Variants in KCNQ3 observed in about 807,000 individuals in gnomAD.
KCNQ3 encodes potassium voltage-gated channel subfamily Q member 3.
In KCNQ3, 30 loss-of-function variants were observed where a neutral mutation model predicts 92.5. That is an observed-to-expected ratio of 0.32 (90% confidence interval 0.24 to 0.44). The LOEUF is 0.44. Among genes scored for constraint, KCNQ3 ranks in the 20% least tolerant of loss-of-function variants. KCNQ3 has a pLI of 1.00. For missense variants in KCNQ3, 913 were observed against 1,140.3 expected (o/e 0.80, Z 2.87); for synonymous variants, 450 against 468.8 (o/e 0.96, Z 0.52).
chr8:132,404,999 T>C (rs1348607008), intron 1 of KCNQ3, among the ~76,000 whole-genome samples: 1 of 152,204 alleles, frequency 6.6e-6, no homozygotes, highest in Non-Finnish European at 1.5e-5. Flanking sequence ...GGTCTTGCTG[T>C]GTTGAGTACA....
chr8:132,328,074 G>T lies in KCNQ3; in HGVS notation c.387-141893C>A, dbSNP rs1460966723. ...CCTGCTCTCTGCAGTCACACAGGAT[G>T]GCTGGGCTGTGCCATGTTCACCTGA... On this transcript the variant is annotated intron_variant, in intron 1 of 14. Transcript: ENST00000388996. Among the ~76,000 whole-genome samples, 6 of 152,192 alleles carry T rather than the reference G, an allele frequency of 3.9e-5. No homozygotes were observed. In the East Asian group the frequency reaches 1.2e-3, roughly 29 times the overall value.
At chr8:132,204,726 C>T (rs1384032332) in intron 1 of KCNQ3, among the ~76,000 whole-genome samples, 5 of 152,280 alleles carry the variant, frequency 3.3e-5, no homozygotes, top group East Asian at 3.9e-4. Context: ...CACTTGGTCA[C>T]GTTGCCTCAT....
At chr8:132,141,922 T>C (rs1220468047) in intron 9 of KCNQ3, among the ~76,000 whole-genome samples, 1 of 152,232 alleles carries the variant, frequency 6.6e-6, no homozygotes, top group Non-Finnish European at 1.5e-5. Context: ...CCAGTATGAA[T>C]GTGGGCAACA....
At chr8:132,241,970 C>T (rs1370316548) in intron 1 of KCNQ3, among the ~76,000 whole-genome samples, 2 of 152,130 alleles carry the variant, frequency 1.3e-5, no homozygotes, top group South Asian at 2.1e-4. Context: ...AGCATTATAC[C>T]GTCAAGGGCA....
chr8:132,421,624 T>C (rs956860852), intron 1 of KCNQ3, among the ~76,000 whole-genome samples: 1 of 152,138 alleles, frequency 6.6e-6, no homozygotes, highest in Admixed American at 6.5e-5. Context: ...CTTTTTTTTC[T>C]TTTTTAACCT....
intron 1 of KCNQ3, among the ~76,000 whole-genome samples, chr8:132,350,422 A>G (rs1042454917): frequency 6.6e-6 from 1 of 152,126 alleles, no homozygotes; most frequent in Non-Finnish European, 1.5e-5. Context: ...AAGGGTTTAC[A>G]GGTAAGATCC....
intron 1 of KCNQ3, among the ~76,000 whole-genome samples, chr8:132,326,082 T>G (rs531214455): frequency 6.6e-6 from 1 of 152,270 alleles, no homozygotes; most frequent in Non-Finnish European, 1.5e-5. Flanking sequence ...GGATGTGCAT[T>G]ACTTTGAACT....
At chr8:132,466,093 A>C (rs7004219) in intron 1 of KCNQ3, among the ~76,000 whole-genome samples, 380 of 152,300 alleles carry the variant, frequency 2.5e-3, no homozygotes, top group African/African-American at 8.8e-3. Context: ...TTCTGAGAAC[A>C]CTATAATTCC....
At chr8:132,154,736 A>T (rs1825754265) in intron 9 of KCNQ3, among the ~76,000 whole-genome samples, 1 of 152,152 alleles carries the variant, frequency 6.6e-6, no homozygotes, top group South Asian at 2.1e-4. Flanking sequence ...AAACCTGTTA[A>T]CGGGAACCCC....
chr8:132,303,237 A>C (rs1187291381), intron 1 of KCNQ3, among the ~76,000 whole-genome samples: 2 of 152,004 alleles, frequency 1.3e-5, no homozygotes, highest in Non-Finnish European at 2.9e-5. Context: ...ACCCATTAAA[A>C]CGATGATAAA....
At chr8:132,239,271 C>T (rs1199311035) in intron 1 of KCNQ3, among the ~76,000 whole-genome samples, 1 of 152,210 alleles carries the variant, frequency 6.6e-6, no homozygotes, top group African/African-American at 2.4e-5. Context: ...ATAGCTCCTG[C>T]AAATACATCC....
intron 1 of KCNQ3, among the ~76,000 whole-genome samples, chr8:132,471,177 G>C (rs2130866559): frequency 6.6e-6 from 1 of 152,306 alleles, no homozygotes; most frequent in South Asian, 2.1e-4. Context: ...AATGCAGCTA[G>C]CTATCAAGTT....
intron 1 of KCNQ3, among the ~76,000 whole-genome samples, chr8:132,407,119 G>A (rs1303667285): frequency 1.3e-5 from 2 of 152,296 alleles, no homozygotes; most frequent in Admixed American, 6.5e-5. Context: ...AGGTCCTGCC[G>A]AGGAAGAGAG....
chr8:132,313,654 G>A (rs1817660517), intron 1 of KCNQ3, among the ~76,000 whole-genome samples: 1 of 152,132 alleles, frequency 6.6e-6, no homozygotes, highest in Non-Finnish European at 1.5e-5. Context: ...TCTGAGCTAT[G>A]AGATGGGATC....
intron 1 of KCNQ3, among the ~76,000 whole-genome samples, chr8:132,342,115 G>A (rs552986257): frequency 1.3e-5 from 2 of 152,140 alleles, no homozygotes; most frequent in Non-Finnish European, 2.9e-5. Flanking sequence ...CTCATGGTCA[G>A]TTTTCTGTAA....
At chr8:132,296,270 T>A (rs1326817066) in intron 1 of KCNQ3, among the ~76,000 whole-genome samples, 1 of 152,182 alleles carries the variant, frequency 6.6e-6, no homozygotes, top group Non-Finnish European at 1.5e-5. Context: ...AAACCCTGTT[T>A]TGACTGAAGA....
chr8:132,318,732 A>G (rs905035991), intron 1 of KCNQ3, among the ~76,000 whole-genome samples: 1 of 152,172 alleles, frequency 6.6e-6, no homozygotes, highest in Non-Finnish European at 1.5e-5. Flanking sequence ...AAAGGAAGGG[A>G]ACGGATGTGA....
At chr8:132,340,261 T>A (rs1196691449) in intron 1 of KCNQ3, among the ~76,000 whole-genome samples, 1 of 152,178 alleles carries the variant, frequency 6.6e-6, no homozygotes, top group Non-Finnish European at 1.5e-5. Context: ...CCATTACTGG[T>A]TGTATGCCCA....
intron 1 of KCNQ3, among the ~76,000 whole-genome samples, chr8:132,395,052 G>A (rs1820158613): frequency 6.6e-6 from 1 of 152,160 alleles, no homozygotes; most frequent in African/African-American, 2.4e-5. Context: ...GGAGTGTAGT[G>A]CTAATAGGTG....
Sources: gnomAD v4.1 joint callset for allele counts (sites outside exome capture counted in the v4.1 genomes callset) on GRCh38, gnomAD v4.1.1 for gene constraint, MANE v1.5 for transcripts, NCBI Gene and HGNC (gene_info 2026-07-23, HGNC 2026-07-21) for gene names.